NTN1: variants seen among roughly 807,000 people sequenced by gnomAD.
The protein encoded by NTN1 is netrin 1, also known as netrin-1.
In NTN1, 11 loss-of-function variants were observed where a neutral mutation model predicts 54.2. That is an observed-to-expected ratio of 0.20 (90% CI 0.13 to 0.34). The LOEUF (loss-of-function observed/expected upper bound fraction) is 0.34. Among genes scored for constraint, NTN1 ranks in the 10% least tolerant of loss-of-function variants. The pLI, the probability that NTN1 is intolerant of heterozygous loss-of-function variation, is 1.00. For missense variants in NTN1, 740 were observed against 893.1 expected, an observed-to-expected ratio of 0.83 and a Z score of 2.18; for synonymous variants, 371 against 382.0, an observed-to-expected ratio of 0.97 and a Z score of 0.33.
intron 3 of NTN1, chr17:9,175,236 C>G (rs2092396889): frequency 6.6e-6 from 1 of 152,242 alleles, no homozygotes; most frequent in South Asian, 2.1e-4. Context: ...GCACAAGAAA[C>G]TGACGATGAG....
intron 2 of NTN1, among the ~76,000 whole-genome samples, chr17:9,091,753 C>A (rs1224254833): frequency 6.6e-6 from 1 of 151,634 alleles, no homozygotes; most frequent in Non-Finnish European, 1.5e-5. Context: ...GTGTCCGGCC[C>A]GTTTAGCCAC....
intron 2 of NTN1, among the ~76,000 whole-genome samples, chr17:9,082,393 C>T (rs931820494): frequency 2.6e-5 from 4 of 152,212 alleles, no homozygotes; most frequent in African/African-American, 7.2e-5. Flanking sequence ...AATTTTGCCT[C>T]AATCTTTTCT....
intron 2 of NTN1, among the ~76,000 whole-genome samples, chr17:9,152,219 A>G (rs1255843443): frequency 6.6e-6 from 1 of 152,146 alleles, no homozygotes; most frequent in Non-Finnish European, 1.5e-5. Context: ...TCTTGAAGTG[A>G]GCGAGACCGG....
intron 2 of NTN1, among the ~76,000 whole-genome samples, chr17:9,134,359 C>T (rs2092274790): frequency 6.6e-6 from 1 of 152,260 alleles, no homozygotes. Flanking sequence ...ACTGGGTGCT[C>T]ACCCTCTCTC....
chr17:9,091,641 C>CG (rs2092110989), intron 2 of NTN1, among the ~76,000 whole-genome samples: 1 of 151,560 alleles, frequency 6.6e-6, no homozygotes. Context: ...TTAGTAGAGA[C>CG]GGGGTTTCTC....
chr17:9,005,616 C>T, the NTN1 span, among the ~76,000 whole-genome samples: 1 of 152,098 alleles, frequency 6.6e-6, no homozygotes, highest in African/African-American at 2.4e-5. Flanking sequence ...CCTAGCAGGC[C>T]CTTCTCTCCC....
rs367794200 is a variant in NTN1 at position 9,239,824 on chromosome 17, G to T, written c.1671G>T (p.Leu557=). ...PKIKPLKKYL[L]LGNAEDSPDQ... ...TCAAGCCCCTCAAGAAGTACCTGCT[G>T]CTGGGCAACGCGGAGGACTCTCCGG... is the stretch of plus-strand genomic sequence containing the variant. The change falls in exon 7 of 7, where the codon CTG becomes CTT. Residue 557 remains leucine, a synonymous_variant. Coordinates refer to ENST00000173229, the MANE Select transcript of NTN1 (RefSeq NM_004822.3). This position sits in a 1 kb window ranked among gnomAD's most constrained non-coding sequence, Gnocchi z 5.2. 13 of 1,613,484 alleles carry T rather than the reference G, an allele frequency of 8.1e-6. No homozygotes were observed. In the East Asian group the frequency reaches 1.3e-4, roughly 17 times the overall value.
intron 2 of NTN1, among the ~76,000 whole-genome samples, chr17:9,047,095 C>T (rs186441999): frequency 5.5e-4 from 84 of 152,342 alleles, no homozygotes; most frequent in Non-Finnish European, 1.0e-3. Flanking sequence ...AAAATGCTAA[C>T]GATCACCTGA....
In NTN1 at chr17:9,022,521, C is replaced by T; in HGVS notation, c.148C>T (p.Arg50Cys). The T allele has an allele frequency of 6.5e-7, 1 of 1,548,908 alleles. No homozygotes were observed. The highest frequency in any genetic ancestry group is 8.7e-7 in the Non-Finnish European group (1 of 1,150,374). ...PCSDENGHPR[R>C]CIPDFVNAAF... ...CTCGGACGAGAACGGCCACCCGCGCCGCTGCATCCCGGACTTTGTCAATGC... is the reference window on the plus strand; with the variant it reads ...CTCGGACGAGAACGGCCACCCGCGCTGCTGCATCCCGGACTTTGTCAATGC... The change falls in exon 2 of 7, where the codon CGC becomes TGC. Residue 50 changes from arginine (R) to cysteine (C), a missense_variant. Physicochemically the swap from Arg to Cys is radical, Grantham distance 180 (BLOSUM62 -3). Coordinates refer to ENST00000173229, the MANE Select transcript of NTN1 (RefSeq NM_004822.3).
rs114252833 is a variant in NTN1, at chr17:9,215,999, C to T, written c.1412-5169C>T. On this transcript the variant is annotated intron_variant, in intron 5 of 6. Transcript: ENST00000173229. ...TTTTAGAGACAGGGTTTTACTCTGT[C>T]ACTCAGGCTAAAGTGCAGTGGCGCA... Among the ~76,000 whole-genome samples the T allele has an allele frequency of 5.1e-3, 774 of 152,300 alleles. 5 individuals carry two copies. Among genetic ancestry groups the T allele is most frequent in the African/African-American group, 0.017 (692 of 41,554 alleles).
intron 2 of NTN1, among the ~76,000 whole-genome samples, chr17:9,065,111 A>G (rs544218614): frequency 5.3e-5 from 8 of 152,058 alleles, no homozygotes; most frequent in African/African-American, 1.9e-4. Flanking sequence ...TAATTTTTGT[A>G]TTTTTAGTAG....
intron 5 of NTN1, among the ~76,000 whole-genome samples, chr17:9,187,703 C>T (rs1184105023): frequency 6.8e-6 from 1 of 146,966 alleles, no homozygotes; most frequent in Non-Finnish European, 1.5e-5. Flanking sequence ...TGGTGATGCA[C>T]ACCTGTAGTC....
chr17:9,025,725 A>G (rs1485573692), intron 2 of NTN1, among the ~76,000 whole-genome samples: 1 of 152,238 alleles, frequency 6.6e-6, no homozygotes, highest in African/African-American at 2.4e-5. Context: ...TGTAAAAGAG[A>G]AAGACAGCAA....
At chr17:9,194,277 T>C (rs1038272394) in intron 5 of NTN1, among the ~76,000 whole-genome samples, 1 of 152,028 alleles carries the variant, frequency 6.6e-6, no homozygotes, top group African/African-American at 2.4e-5. Flanking sequence ...TGAAGGACTC[T>C]ATTTAGAAAT....
intron 5 of NTN1, among the ~76,000 whole-genome samples, chr17:9,199,976 T>A (rs950468277): frequency 1.3e-5 from 2 of 152,232 alleles, no homozygotes; most frequent in Non-Finnish European, 2.9e-5. Flanking sequence ...AACAGCTGCC[T>A]AGATTTGGGT....
intron 2 of NTN1, among the ~76,000 whole-genome samples, chr17:9,035,985 G>A (rs1201996891): frequency 6.6e-6 from 1 of 152,152 alleles, no homozygotes; most frequent in Non-Finnish European, 1.5e-5. Context: ...TGGTGCCACT[G>A]CACTCCAGCC....
At chr17:9,236,828 G>A (rs990102303) in intron 6 of NTN1, among the ~76,000 whole-genome samples, 2 of 152,222 alleles carry the variant, frequency 1.3e-5, no homozygotes, top group East Asian at 3.9e-4. Flanking sequence ...AGAAGCACAG[G>A]GGGCTGCTTT....
chr17:9,145,936 AAAAG>A, intron 2 of NTN1, among the ~76,000 whole-genome samples: 2 of 141,284 alleles, frequency 1.4e-5, no homozygotes, highest in Admixed American at 7.2e-5. Context: ...AAAAAAAAAA[AAAAG>A]TGTGGGGTAT....
chr17:9,183,105 T>C (rs1407324754), intron 5 of NTN1, 136 bp downstream of exon 5: 1 of 879,414 alleles, frequency 1.1e-6, no homozygotes, highest in East Asian at 2.4e-5. Flanking sequence ...ATGAGTGGCA[T>C]CCTGGGTTGC....
Sources: gnomAD v4.1 joint callset for allele counts (sites outside exome capture counted in the v4.1 genomes callset) on GRCh38, gnomAD v4.1.1 for gene constraint, Gnocchi (gnomAD v3.1) non-coding constraint, MANE v1.5 for transcripts, NCBI Gene and HGNC (gene_info 2026-07-23, HGNC 2026-07-21) for gene names.